The following CHSY3 variants were observed in gnomAD, a reference collection of about 807,000 sequenced individuals.
The protein encoded by CHSY3 is chondroitin sulfate synthase 3, also known as N-acetylgalactosaminyl-proteoglycan 3-beta-glucuronosyltransferase 3.
In CHSY3, 35 loss-of-function variants were observed where a neutral mutation model predicts 67.2. That is an observed-to-expected ratio of 0.52 (90% CI 0.40 to 0.69). The LOEUF (loss-of-function observed/expected upper bound fraction) is 0.69. Among genes scored for constraint, CHSY3 ranks in the 30% least tolerant of loss-of-function variants. The probability of loss-of-function intolerance (pLI) is 0.00; values close to 1 mark genes in which losing one functional copy is unlikely to be tolerated. For missense variants in CHSY3, 1,069 were observed against 1,138.5 expected, an observed-to-expected ratio of 0.94 and a Z score of 0.88; for synonymous variants, 474 against 434.7, an observed-to-expected ratio of 1.09 and a Z score of -1.12.
chr5:129,947,664 T>TG (rs753968432), intron 2 of CHSY3, among the ~76,000 whole-genome samples: 1 of 151,484 alleles, frequency 6.6e-6, no homozygotes, highest in Non-Finnish European at 1.5e-5. Context: ...GAGATTTGGG[T>TG]GGGGGCACAG....
intron 2 of CHSY3, among the ~76,000 whole-genome samples, chr5:130,061,978 A>G (rs543923652): frequency 1.4e-3 from 213 of 152,216 alleles, no homozygotes; most frequent in African/African-American, 4.9e-3. Flanking sequence ...TTCAGCCTCT[A>G]TGGAAAACAA....
chr5:130,173,783 T>C (rs899947840), intron 2 of CHSY3, among the ~76,000 whole-genome samples: 14 of 152,070 alleles, frequency 9.2e-5, no homozygotes, highest in African/African-American at 3.4e-4. Flanking sequence ...ATGAAATATG[T>C]ATGTTTATTT....
intron 2 of CHSY3, among the ~76,000 whole-genome samples, chr5:130,106,583 T>A (rs1191138263): frequency 6.6e-6 from 1 of 151,476 alleles, no homozygotes; most frequent in African/African-American, 2.4e-5. Flanking sequence ...TGAAAGAAAA[T>A]AAAGTGAAGT....
intron 2 of CHSY3, among the ~76,000 whole-genome samples, chr5:130,039,042 T>TA (rs1310892017): frequency 6.6e-6 from 1 of 152,014 alleles, no homozygotes; most frequent in Admixed American, 6.6e-5. Flanking sequence ...AGAAAGAAAA[T>TA]AAAAAATTAA....
intron 2 of CHSY3, among the ~76,000 whole-genome samples, chr5:129,931,700 T>G (rs182875155): frequency 1.8e-4 from 28 of 152,290 alleles, no homozygotes; most frequent in African/African-American, 6.5e-4. Flanking sequence ...TTTCTTCAAG[T>G]GTTGGCTTTT....
chr5:130,056,058 A>G (rs945138293), intron 2 of CHSY3, among the ~76,000 whole-genome samples: 1 of 152,170 alleles, frequency 6.6e-6, no homozygotes, highest in Non-Finnish European at 1.5e-5. Context: ...GTAAATGCCT[A>G]TAATGCTGTA....
chr5:130,151,124 G>A (rs1769221097), intron 2 of CHSY3, among the ~76,000 whole-genome samples: 3 of 152,188 alleles, frequency 2.0e-5, no homozygotes, highest in Admixed American at 2.0e-4. Flanking sequence ...GATTATGGGT[G>A]TCATATTTCT....
chr5:130,009,347 A>T (rs1763978873), intron 2 of CHSY3, among the ~76,000 whole-genome samples: 1 of 152,142 alleles, frequency 6.6e-6, no homozygotes. Context: ...CCAACCAAGA[A>T]TTTCATATCC....
intron 2 of CHSY3, among the ~76,000 whole-genome samples, chr5:130,066,073 T>C (rs1482996311): frequency 1.3e-5 from 2 of 152,118 alleles, no homozygotes; most frequent in Non-Finnish European, 2.9e-5. Flanking sequence ...AAGCCATGAA[T>C]CTTTGCCCTC....
intron 2 of CHSY3, among the ~76,000 whole-genome samples, chr5:130,143,724 G>A (rs1273253248): frequency 7.3e-4 from 74 of 101,276 alleles, no homozygotes; most frequent in African/African-American, 3.3e-3. Context: ...ATATATATGT[G>A]TGTGTGTGTG....
intron 2 of CHSY3, among the ~76,000 whole-genome samples, chr5:129,925,425 CT>C (rs1006034324): frequency 6.6e-6 from 1 of 152,014 alleles, no homozygotes; most frequent in African/African-American, 2.4e-5. Context: ...ACTTCATGTT[CT>C]TTTTAAAATT....
chr5:129,948,018 A>G (rs771138971), intron 2 of CHSY3, among the ~76,000 whole-genome samples: 4 of 152,168 alleles, frequency 2.6e-5, no homozygotes, highest in Non-Finnish European at 5.9e-5. Context: ...GCCATTTATC[A>G]TATAAATTGT....
chr5:130,024,511 G>T (rs1189054238), intron 2 of CHSY3, among the ~76,000 whole-genome samples: 1 of 152,112 alleles, frequency 6.6e-6, no homozygotes, highest in South Asian at 2.1e-4. Flanking sequence ...CTGACTTTCT[G>T]CAGTGTGCTG....
Position 130,089,592 on chromosome 5 carries a change from G to A in CHSY3, c.1087-94637G>A, listed in dbSNP as rs115425951. ...TCTATTTGTGACAGGAGAAACACAA[G>A]TGTTGGTTGAAAAATATTTGTTAAA... On this transcript the variant is annotated intron_variant, in intron 2 of 2. Transcript: ENST00000305031. Among the ~76,000 whole-genome samples, 656 of 152,208 alleles carry A rather than the reference G, an allele frequency of 4.3e-3. 5 individuals carry two copies. The highest frequency in any genetic ancestry group is 0.014 in the African/African-American group (590 of 41,542).
At chr5:130,011,452 T>A (rs1405634306) in intron 2 of CHSY3, among the ~76,000 whole-genome samples, 1 of 152,166 alleles carries the variant, frequency 6.6e-6, no homozygotes, top group African/African-American at 2.4e-5. Flanking sequence ...CTCAGCAAAC[T>A]AGTCATCAAT....
intron 2 of CHSY3, among the ~76,000 whole-genome samples, chr5:129,960,543 A>C (rs910831418): frequency 2.6e-5 from 4 of 152,106 alleles, no homozygotes; most frequent in Admixed American, 2.6e-4. Flanking sequence ...TTTTACTTAA[A>C]TACGTGAGAA....
At chr5:129,989,432 G>C (rs922072644) in intron 2 of CHSY3, among the ~76,000 whole-genome samples, 2 of 151,778 alleles carry the variant, frequency 1.3e-5, no homozygotes, top group African/African-American at 4.8e-5. Flanking sequence ...GTCAAATTTT[G>C]TGTTTTTAGT....
intron 2 of CHSY3, among the ~76,000 whole-genome samples, chr5:130,011,123 C>G (rs4835980): frequency 1.3e-5 from 2 of 152,154 alleles, no homozygotes; most frequent in African/African-American, 2.4e-5. Context: ...AACTCATGCT[C>G]TGAAGCCAGT....
intron 2 of CHSY3, among the ~76,000 whole-genome samples, chr5:129,964,794 C>T (rs1210044840): frequency 6.6e-6 from 1 of 151,838 alleles, no homozygotes; most frequent in African/African-American, 2.4e-5. Context: ...TTTTATTCCT[C>T]ACTGTACAAA....
Sources: allele counts gnomAD v4.1 joint callset (sites outside exome capture counted in the v4.1 genomes callset), GRCh38; gene constraint gnomAD v4.1.1; transcripts MANE v1.5; gene names NCBI Gene and HGNC (gene_info 2026-07-23, HGNC 2026-07-21).